RGS5: variants seen among roughly 807,000 people sequenced by gnomAD.
RGS5 encodes regulator of G protein signaling 5.
A neutral mutation model predicts 18.9 loss-of-function variants in RGS5; 20 were observed. The observed-to-expected ratio is 1.06, with a 90% CI of 0.74 to 1.54. RGS5 has a LOEUF of 1.54. Ranked by LOEUF, RGS5 falls within the 40% of genes most tolerant of loss-of-function variation. The pLI is 0.00. For synonymous variants in RGS5, 57 were observed against 76.2 expected, an observed-to-expected ratio of 0.75 and a Z score of 1.31; for missense variants, 201 against 211.8, an observed-to-expected ratio of 0.95 and a Z score of 0.32.
chr1:163,194,233 AG>A (rs1659471408), intron 1 of RGS5, among the ~76,000 whole-genome samples: 1 of 152,184 alleles, frequency 6.6e-6, no homozygotes, highest in Non-Finnish European at 1.5e-5. Flanking sequence ...AGTCTTTTAA[AG>A]AAATATGGGG....
Position 163,267,099 on chromosome 1 carries a change from G to A in RGS5, c.-281+39134C>T, listed in dbSNP as rs114993034. Among the ~76,000 whole-genome samples, 433 of 152,136 alleles carry A rather than the reference G, an allele frequency of 2.8e-3. 1 individual carries two copies. Among genetic ancestry groups the A allele is most frequent in the African/African-American group, 0.01 (423 of 41,526 alleles). ...ATATGTTGAAGCCCTAACCCTCAAT[G>A]TAACAGTGTTTGGAGGCAGGGTCTT... On this transcript the variant is annotated intron_variant, in intron 2 of 5. Transcript: ENST00000618415.
intron 1 of RGS5, among the ~76,000 whole-genome samples, chr1:163,182,243 T>G (rs1432937669): frequency 1.3e-5 from 2 of 152,164 alleles, no homozygotes; most frequent in Non-Finnish European, 2.9e-5. Context: ...TTCCACCTCA[T>G]AATAATGCAA....
intron 1 of RGS5, among the ~76,000 whole-genome samples, chr1:163,306,976 A>G (rs1414702160): frequency 6.6e-6 from 1 of 152,158 alleles, no homozygotes; most frequent in African/African-American, 2.4e-5. Flanking sequence ...CTAGTTGGTG[A>G]TACTTGTTAT....
chr1:163,231,894 A>C lies in RGS5; in HGVS notation c.-280-63526T>G, dbSNP rs184048399. ...ATATGTGCAGAAGTAAAGTACTCCT[A>C]CTACTACAGTAGTTGCTATAACCCA... is the stretch of plus-strand genomic sequence containing the variant. On this transcript the variant is annotated intron_variant, in intron 2 of 5. Transcript: ENST00000618415. 2.9e-3 allele frequency among the ~76,000 whole-genome samples: 444 copies of C among 152,198 alleles called. 1 individual carries two copies. Among genetic ancestry groups the C allele is most frequent in the Non-Finnish European group, 2.1e-3 (142 of 68,002 alleles).
chr1:163,196,769 T>C (rs963589877), intron 1 of RGS5, among the ~76,000 whole-genome samples: 1 of 152,112 alleles, frequency 6.6e-6, no homozygotes, highest in East Asian at 1.9e-4. Flanking sequence ...CCCACTCCCC[T>C]TCTCCCATAG....
At chr1:163,318,842 C>T (rs1650099748) in intron 1 of RGS5, 1 of 152,114 alleles carries the variant, frequency 6.6e-6, no homozygotes. Flanking sequence ...TTTTCTGAGA[C>T]AGACAAATAA....
At chr1:163,193,618 G>A (rs1214240352) in intron 1 of RGS5, among the ~76,000 whole-genome samples, 1 of 152,112 alleles carries the variant, frequency 6.6e-6, no homozygotes, top group East Asian at 1.9e-4. Flanking sequence ...TGCCTAGTCT[G>A]GAGGCAAACT....
At chr1:163,270,373 A>G (rs940561772) in intron 2 of RGS5, among the ~76,000 whole-genome samples, 4 of 141,986 alleles carry the variant, frequency 2.8e-5, no homozygotes, top group Non-Finnish European at 4.7e-5. Context: ...AAAAAAAAAA[A>G]GCCAGGCCTG....
chr1:163,205,186 A>C (rs1441674577), upstream of RGS5, among the ~76,000 whole-genome samples: 1 of 152,096 alleles, frequency 6.6e-6, no homozygotes, highest in Non-Finnish European at 1.5e-5. Flanking sequence ...AGGAGTTCCT[A>C]TTCAATAAAG....
In RGS5 at chr1:163,168,299, A is replaced by AATG. The variant is rs771651190; in HGVS notation, c.111_113dup (p.Ile38dup). Reference sequence around the variant, plus strand: ...GTTTCTCTGGCTTCTCATTGTACGGAATGACAAGGTCACCAACTGAGTCTG... The same window carrying AATG: ...GTTTCTCTGGCTTCTCATTGTACGGAATGATGACAAGGTCACCAACTGAGTCTG... On this transcript the variant is annotated inframe_insertion, in exon 2 of 5. Coordinates refer to ENST00000313961, the MANE Select transcript of RGS5 (RefSeq NM_003617.4). The AATG allele has an allele frequency of 5.0e-6, 8 of 1,613,698 alleles. No individual in the cohort carries two copies. Among genetic ancestry groups the AATG allele is most frequent in the Non-Finnish European group, 6.8e-6 (8 of 1,179,814 alleles).
At position 163,171,848 on chromosome 1, in the gene RGS5, G is replaced by A. The variant is rs192039508; in HGVS notation, c.45-3480C>T. Among the ~76,000 whole-genome samples the A allele has an allele frequency of 3.3e-3, 500 of 152,232 alleles. 5 individuals carry two copies. Among genetic ancestry groups the A allele is most frequent in the Non-Finnish European group, 2.9e-3 (198 of 68,024 alleles). ...CTTGCTTTCAAGGTGCTTTTAGCCC[G>A]GAGAGGTCTTAGATGTGGAAACAAT... On this transcript the variant is annotated intron_variant, in intron 1 of 4. Coordinates refer to ENST00000313961, the MANE Select transcript of RGS5 (RefSeq NM_003617.4).
intron 2 of RGS5, among the ~76,000 whole-genome samples, chr1:163,240,058 T>C (rs2662779): frequency 0.22 from 33,962 of 151,916 alleles, 5,418 homozygotes; most frequent in African/African-American, 0.46. Flanking sequence ...AGGGTTTTTT[T>C]TTTTCATTAA....
intron 2 of RGS5, among the ~76,000 whole-genome samples, chr1:163,257,458 G>T (rs960747496): frequency 6.6e-6 from 1 of 152,084 alleles, no homozygotes; most frequent in African/African-American, 2.4e-5. Context: ...GGGAAGTAAG[G>T]TGGATAGAGA....
rs1649646179 is a variant in RGS5 at position 163,304,541 on chromosome 1, T to TGGGATGGGTA, written c.-281+1691_-281+1692insTACCCATCCC. ...ATTACTCATTTCCAAGGAGGCTAACTGCTTCCTCCTGCAAGCTACCACCAC... is the reference window on the plus strand; with the variant it reads ...ATTACTCATTTCCAAGGAGGCTAACTGGGATGGGTAGCTTCCTCCTGCAAGCTACCACCAC... On this transcript the variant is annotated intron_variant, in intron 2 of 5. Transcript: ENST00000618415. The TGGGATGGGTA allele has an allele frequency of 2.6e-5, 4 of 152,366 alleles. No individual in the cohort carries two copies. In the South Asian group the frequency reaches 8.3e-4, roughly 32 times the overall value. The allele number at this position is 152,366 out of a possible 1,614,324, so 9.4% of individuals were successfully genotyped here. A position where few individuals can be genotyped will look rare whatever the true frequency, so the allele number is the denominator to read the frequency against.
At chr1:163,270,956 C>T (rs1309501097) in intron 2 of RGS5, among the ~76,000 whole-genome samples, 1 of 152,168 alleles carries the variant, frequency 6.6e-6, no homozygotes, top group Middle Eastern at 3.4e-3. Flanking sequence ...ATAGATACAG[C>T]TTTGTTGAGG....
chr1:163,194,834 C>T (rs2814372), intron 1 of RGS5, among the ~76,000 whole-genome samples: 83,391 of 151,948 alleles, frequency 0.55, 23,694 homozygotes, highest in African/African-American at 0.7. Context: ...TTATTGTTAA[C>T]TTTTAAGTAT....
At chr1:163,305,325 G>A (rs891967427) in intron 2 of RGS5, 4 of 152,390 alleles carry the variant, frequency 2.6e-5, no homozygotes, top group Non-Finnish European at 5.9e-5. Flanking sequence ...TGTAAGGACA[G>A]AGTGCTCACT....
chr1:163,236,546 T>C (rs975580929), intron 2 of RGS5, among the ~76,000 whole-genome samples: 4 of 152,158 alleles, frequency 2.6e-5, no homozygotes, highest in African/African-American at 9.7e-5. Flanking sequence ...TCTGATGGCT[T>C]TCCCTCACAG....
intron 1 of RGS5, among the ~76,000 whole-genome samples, chr1:163,198,036 T>A (rs1659637167): frequency 1.3e-5 from 2 of 152,270 alleles, no homozygotes; most frequent in South Asian, 4.1e-4. Context: ...TCAGATTAGT[T>A]CATTAGTAGT....
Sources: allele counts gnomAD v4.1 joint callset (sites outside exome capture counted in the v4.1 genomes callset), GRCh38; gene constraint gnomAD v4.1.1; transcripts MANE v1.5; gene names NCBI Gene and HGNC (gene_info 2026-07-23, HGNC 2026-07-21).